The following LUZP2 variants were observed in gnomAD, a reference collection of about 807,000 sequenced individuals.
LUZP2 encodes the protein leucine zipper protein 2.
LUZP2 carries 52 observed loss-of-function variants against 51.6 expected under a neutral mutation model. That is an observed-to-expected ratio of 1.01 (90% CI 0.81 to 1.27). LUZP2 has a LOEUF of 1.27. LUZP2 is among the 50% of genes most tolerant of loss of function. The pLI, the probability that LUZP2 is intolerant of heterozygous loss-of-function variation, is 0.00. For synonymous variants in LUZP2, 154 were observed against 137.3 expected (o/e 1.12, Z -0.85); for missense variants, 436 against 395.4 (o/e 1.10, Z -0.87).
intron 7 of LUZP2, among the ~76,000 whole-genome samples, chr11:24,963,354 C>T (rs573282211): frequency 1.3e-5 from 2 of 152,288 alleles, no homozygotes; most frequent in South Asian, 2.1e-4. Context: ...TTTGTCTGTG[C>T]CCTGCCCCCA....
chr11:24,973,445 T>C (rs1315872158), intron 7 of LUZP2, among the ~76,000 whole-genome samples: 1 of 151,014 alleles, frequency 6.6e-6, no homozygotes, highest in Non-Finnish European at 1.5e-5. Flanking sequence ...GCTCCTTCAG[T>C]TCAGCTTTGA....
chr11:24,686,223 C>CCA (rs796200456), intron 1 of LUZP2, among the ~76,000 whole-genome samples: 1 of 148,318 alleles, frequency 6.7e-6, no homozygotes, highest in Non-Finnish European at 1.5e-5. Flanking sequence ...GTGAACTCTG[C>CCA]AAAAAAAAAA....
At chr11:24,841,421 CA>C (rs1183340301) in intron 5 of LUZP2, among the ~76,000 whole-genome samples, 1 of 151,990 alleles carries the variant, frequency 6.6e-6, no homozygotes, top group African/African-American at 2.4e-5. Flanking sequence ...ATTTTTGTTA[CA>C]CCAGCCCAAA....
chr11:24,773,110 A>G (rs1848801117), intron 5 of LUZP2, among the ~76,000 whole-genome samples: 1 of 151,318 alleles, frequency 6.6e-6, no homozygotes. Context: ...AGGCAAGGAG[A>G]AAGCATTTTA....
At chr11:24,847,532 T>A (rs1316650123) in intron 5 of LUZP2, among the ~76,000 whole-genome samples, 7 of 152,170 alleles carry the variant, frequency 4.6e-5, no homozygotes, top group Admixed American at 4.6e-4. Flanking sequence ...GGAGGCACAT[T>A]ATGTAGATTT....
intron 1 of LUZP2, among the ~76,000 whole-genome samples, chr11:24,570,426 GTTTA>G (rs1219230647): frequency 6.6e-6 from 1 of 151,944 alleles, no homozygotes; most frequent in African/African-American, 2.4e-5. Context: ...TTTATCATAG[GTTTA>G]TTTATTTATT....
chr11:24,634,729 G>A (rs924347226), intron 1 of LUZP2, among the ~76,000 whole-genome samples: 1 of 152,084 alleles, frequency 6.6e-6, no homozygotes, highest in Non-Finnish European at 1.5e-5. Context: ...GCCTGGTCAA[G>A]GCATTTGAGT....
intron 5 of LUZP2, among the ~76,000 whole-genome samples, chr11:24,839,851 G>T (rs944804948): frequency 9.2e-5 from 14 of 151,644 alleles, no homozygotes; most frequent in African/African-American, 3.4e-4. Context: ...TGGAAATAAA[G>T]CTTAACTCTC....
At chr11:24,972,560 T>C (rs1855772041) in intron 7 of LUZP2, among the ~76,000 whole-genome samples, 1 of 152,166 alleles carries the variant, frequency 6.6e-6, no homozygotes, top group Non-Finnish European at 1.5e-5. Flanking sequence ...TGTCTCTCTA[T>C]AGTGAAAGAC....
chr11:24,554,941 G>A (rs564913247), intron 1 of LUZP2, among the ~76,000 whole-genome samples: 1 of 151,942 alleles, frequency 6.6e-6, no homozygotes, highest in African/African-American at 2.4e-5. Flanking sequence ...AATACAATTT[G>A]GTTTCCCAAA....
intron 9 of LUZP2, among the ~76,000 whole-genome samples, chr11:25,039,937 T>C (rs1448288664): frequency 6.6e-6 from 1 of 152,144 alleles, no homozygotes; most frequent in Admixed American, 6.6e-5. Context: ...ACACTTTCTC[T>C]GATCACACTT....
In LUZP2 at chr11:24,673,746, C is replaced by T. The variant is rs541940627; in HGVS notation, c.63-55423C>T. Among the ~76,000 whole-genome samples, 6 of 152,234 alleles carry T rather than the reference C, an allele frequency of 3.9e-5. No homozygotes were observed. The South Asian group carries it at 1.2e-3, about 32-fold the overall frequency. On this transcript the variant is annotated intron_variant, in intron 1 of 11. Transcript: ENST00000336930. ...GCATCAAAAATGATTTAGACATTAC[C>T]AAATGTCCCCTGTAGGGCAAAATTG...
At chr11:24,994,601 A>G (rs1856443284) in intron 9 of LUZP2, among the ~76,000 whole-genome samples, 2 of 152,196 alleles carry the variant, frequency 1.3e-5, no homozygotes, top group South Asian at 4.1e-4. Flanking sequence ...TGCTTTGGCT[A>G]TTCTTGGTCA....
chr11:25,052,786 C>A (rs948306297), intron 10 of LUZP2, among the ~76,000 whole-genome samples: 10 of 151,312 alleles, frequency 6.6e-5, no homozygotes, highest in African/African-American at 2.2e-4. Flanking sequence ...AAATAAAATT[C>A]TTTATCACAT....
intron 7 of LUZP2, among the ~76,000 whole-genome samples, chr11:24,962,812 C>A (rs538263877): frequency 2.6e-5 from 4 of 152,226 alleles, no homozygotes; most frequent in Non-Finnish European, 5.9e-5. Context: ...TGAGGAACTG[C>A]GTTCCTTTGG....
chr11:24,920,901 A>G (rs1854031031), intron 7 of LUZP2, among the ~76,000 whole-genome samples: 1 of 152,156 alleles, frequency 6.6e-6, no homozygotes, highest in African/African-American at 2.4e-5. Flanking sequence ...ACAATGCAAT[A>G]TATTCATGTA....
intron 7 of LUZP2, among the ~76,000 whole-genome samples, chr11:24,961,761 T>A (rs745387611): frequency 6.6e-6 from 1 of 151,534 alleles, no homozygotes; most frequent in Non-Finnish European, 1.5e-5. Flanking sequence ...AAAGTTAATA[T>A]TGTTATGTGT....
At chr11:25,034,315 G>A (rs926267682) in intron 9 of LUZP2, among the ~76,000 whole-genome samples, 1 of 151,936 alleles carries the variant, frequency 6.6e-6, no homozygotes, top group African/African-American at 2.4e-5. Flanking sequence ...TATAGATTCT[G>A]GATATTAGGC....
intron 1 of LUZP2, among the ~76,000 whole-genome samples, chr11:24,726,986 G>T (rs532797199): frequency 6.6e-6 from 1 of 152,130 alleles, no homozygotes; most frequent in South Asian, 2.1e-4. Context: ...TAACAATTCT[G>T]CCAACATTTT....
Sources: allele counts gnomAD v4.1 joint callset (sites outside exome capture counted in the v4.1 genomes callset), GRCh38; gene constraint gnomAD v4.1.1; transcripts MANE v1.5; gene names NCBI Gene and HGNC (gene_info 2026-07-23, HGNC 2026-07-21).